The following FAT1 variants were observed in gnomAD, a reference collection of about 807,000 sequenced individuals.
FAT1 encodes FAT atypical cadherin 1, also known as protocadherin Fat 1.
A neutral mutation model predicts 329.8 loss-of-function variants in FAT1; 171 were observed. The ratio of observed to expected loss-of-function variants is 0.52; its 90% CI spans 0.46 to 0.59. FAT1 has a LOEUF of 0.59. FAT1 is among the 20% of genes least tolerant of loss of function. The probability of loss-of-function intolerance (pLI) is 0.00; values close to 1 mark genes in which losing one functional copy is unlikely to be tolerated. For synonymous variants in FAT1, 2,233 were observed against 2,228.6 expected (o/e 1.00, Z -0.06); for missense variants, 5,672 against 5,774.4 (o/e 0.98, Z 0.57).
At position 186,588,782 on chromosome 4, in the gene FAT1, T is replaced by G. The variant is rs768453815; in HGVS notation, c.13577A>C (p.His4526Pro). 1 of 1,613,938 alleles carries G rather than the reference T, an allele frequency of 6.2e-7. No homozygotes were observed. The highest frequency in any genetic ancestry group is 8.5e-7 in the Non-Finnish European group (1 of 1,179,884). The change falls in exon 27 of 27, where the codon CAC becomes CCC. Residue 4526 changes from histidine to proline, a missense_variant. By Grantham distance (77) the His-to-Pro change is moderately conservative (BLOSUM62 -2). Transcript: ENST00000441802. ...GCTCTCGACAGCGGGCGCCTCGAAGTGTCTTTGATACCCTGGCGGGTAAGG... is the reference window on the plus strand; with the variant it reads ...GCTCTCGACAGCGGGCGCCTCGAAGGGTCTTTGATACCCTGGCGGGTAAGG... ...HAPYPPGYQR[H>P]FEAPAVESMP...
chr4:186,712,680 G>A (rs1200431128), intron 1 of FAT1, among the ~76,000 whole-genome samples: 1 of 152,242 alleles, frequency 6.6e-6, no homozygotes, highest in East Asian at 1.9e-4. Flanking sequence ...CAAAGGGTCA[G>A]GGCTTACACT....
At position 186,600,316 on chromosome 4, in the gene FAT1, G is replaced by A; in HGVS notation, c.11685C>T (p.Gly3895=). 6.2e-7 allele frequency: 1 copy of A among 1,613,552 alleles called. No homozygotes were observed. The highest frequency in any genetic ancestry group is 1.6e-4 in the Middle Eastern group (1 of 6,062). The change falls in exon 22 of 27, where the codon GGC becomes GGT. Residue 3895 remains glycine (G), a synonymous_variant. Transcript: ENST00000441802. ...RLQYKFDCGS[G]PGIVSVQSIQ... Reference sequence around the variant, plus strand: ...TGCTCTGAACAGAGACAATTCCAGGGCCACTTCCACAGTCAAACTTGTACT... The same window carrying A: ...TGCTCTGAACAGAGACAATTCCAGGACCACTTCCACAGTCAAACTTGTACT...
chr4:186,676,157 A>AT (rs1742948540), intron 2 of FAT1, among the ~76,000 whole-genome samples: 1 of 152,194 alleles, frequency 6.6e-6, no homozygotes, highest in Admixed American at 6.5e-5. Flanking sequence ...CATTTATTGT[A>AT]TAAGTATCTT....
At chr4:186,597,277 T>C in intron 24 of FAT1, 106 bp from the exon 25 acceptor site, 2 of 1,245,562 alleles carry the variant, frequency 1.6e-6, no homozygotes. Context: ...ATGAGCTATG[T>C]GAAGATCAAA....
chr4:186,717,530 T>A (rs1234741522), intron 1 of FAT1, among the ~76,000 whole-genome samples: 1 of 152,242 alleles, frequency 6.6e-6, no homozygotes. Flanking sequence ...ACAATGACAG[T>A]GTGGAACTAC....
chr4:186,722,050 T>A (rs540160932), intron 1 of FAT1, among the ~76,000 whole-genome samples: 1 of 152,244 alleles, frequency 6.6e-6, no homozygotes, highest in East Asian at 1.9e-4. Flanking sequence ...GTTGGTCAGG[T>A]TGGTCTCGGA....
chr4:186,638,552 C>T lies in FAT1; in HGVS notation c.3642+1170G>A, dbSNP rs2584343. On this transcript the variant is annotated intron_variant, in intron 4 of 26. Coordinates refer to ENST00000441802, the MANE Select transcript of FAT1 (RefSeq NM_005245.4). Reference sequence around the variant, plus strand: ...TCAGATGTAATACATGAAGCAGCTCCTAATGGGGAAAGCACTGTGGCTGTG... The same window carrying T: ...TCAGATGTAATACATGAAGCAGCTCTTAATGGGGAAAGCACTGTGGCTGTG... Among the ~76,000 whole-genome samples the T allele has an allele frequency of 1.8e-3, 277 of 152,080 alleles. 2 individuals carry two copies. The highest frequency in any genetic ancestry group is 5.9e-3 in the African/African-American group (244 of 41,474).
Position 186,603,812 on chromosome 4 carries a change from G to C in FAT1, c.10714C>G (p.Gln3572Glu), listed in dbSNP as rs2126433712. ...GVIGKIHATD[Q>E]DVYDTLTYSL... ...TAGGTTAGAGTATCATACACGTCCT[G>C]GTCTGTGGCATGGATCTTCCCAATG... is the stretch of plus-strand genomic sequence containing the variant. The change falls in exon 19 of 27, where the codon CAG (glutamine) becomes GAG (glutamate). Residue 3572 changes from glutamine (Q) to glutamate (E), a missense_variant. By Grantham distance (29) the Gln-to-Glu change is conservative (BLOSUM62 2). Coordinates refer to ENST00000441802, the MANE Select transcript of FAT1 (RefSeq NM_005245.4). 1 of 1,613,854 alleles carries C rather than the reference G, an allele frequency of 6.2e-7. No individual in the cohort carries two copies. The highest frequency in any genetic ancestry group is 1.1e-5 in the South Asian group (1 of 91,080).
At chr4:186,638,630 C>T (rs189805843) in intron 4 of FAT1, among the ~76,000 whole-genome samples, 5 of 144,600 alleles carry the variant, frequency 3.5e-5, no homozygotes, top group Admixed American at 2.7e-4. Context: ...CACACACACA[C>T]ACACACACAC....
upstream of FAT1, among the ~76,000 whole-genome samples, chr4:186,725,731 G>T (rs537405296): frequency 6.6e-6 from 1 of 152,290 alleles, no homozygotes; most frequent in South Asian, 2.1e-4. This position sits in a 1 kb window ranked among gnomAD's most constrained non-coding sequence, Gnocchi z 5.4. Context: ...TTCCACATTT[G>T]TCCTTTAAAT....
chr4:186,659,579 C>T lies in FAT1; in HGVS notation c.3580+3720G>A, dbSNP rs532730988. On this transcript the variant is annotated intron_variant, in intron 3 of 26. Transcript: ENST00000441802. ...GCTGTGGCACCTGTCCCCTGAACGACGCTGGGCGCTCCTGCACTCTACACA... is the reference window on the plus strand; with the variant it reads ...GCTGTGGCACCTGTCCCCTGAACGATGCTGGGCGCTCCTGCACTCTACACA... Among the ~76,000 whole-genome samples, 30 of 151,760 alleles carry T rather than the reference C, an allele frequency of 2.0e-4. No homozygotes were observed. In the South Asian group the frequency reaches 2.9e-3, roughly 15 times the overall value.
intron 2 of FAT1, among the ~76,000 whole-genome samples, chr4:186,689,048 A>G (rs577913897): frequency 2.0e-5 from 3 of 152,374 alleles, no homozygotes; most frequent in African/African-American, 7.2e-5. Context: ...TTCAAAAAGA[A>G]GTGTGAAAAG....
chr4:186,635,902 T>G, intron 6 of FAT1, 123 bp downstream of exon 6: 6 of 802,712 alleles, frequency 7.5e-6, no homozygotes, highest in East Asian at 2.7e-5. Context: ...GAAAGCAAAT[T>G]CTCCACCTGT....
At chr4:186,713,485 G>T (rs978804955) in intron 1 of FAT1, among the ~76,000 whole-genome samples, 1 of 152,122 alleles carries the variant, frequency 6.6e-6, no homozygotes, top group African/African-American at 2.4e-5. Context: ...GACTGAGGTA[G>T]TATCTGCCAG....
rs1738752547 is a variant in FAT1, at chr4:186,600,353, T to A, written c.11648A>T (p.His3883Leu). The change falls in exon 22 of 27, where the codon CAT (histidine) becomes CTT (leucine). Residue 3883 changes from histidine to leucine, a missense_variant. His to Leu is a moderately conservative substitution (Grantham distance 99, BLOSUM62 -3). Around this residue, in one of 2 missense-constraint regions of FAT1, gnomAD observed 1,706 missense variants for 1,859.1 expected, o/e 0.92. Transcript: ENST00000441802. ...GTCAAACTTGTACTGCAGCCTTCCA[T>A]GATGAATCTAGGATAAAAGCAATGA... Reference protein sequence around the residue: ...GTDYSILEIHHGRLQYKFDCG... With the variant: ...GTDYSILEIHLGRLQYKFDCG... The A allele has an allele frequency of 6.2e-7, 1 of 1,610,118 alleles. No homozygotes were observed. The highest frequency in any genetic ancestry group is 8.5e-7 in the Non-Finnish European group (1 of 1,177,832).
At chr4:186,681,956 A>G (rs1264725622) in intron 2 of FAT1, among the ~76,000 whole-genome samples, 1 of 152,226 alleles carries the variant, frequency 6.6e-6, no homozygotes, top group African/African-American at 2.4e-5. Context: ...AGAACTGGTT[A>G]CGGATCTATA....
rs1739547775 is a variant in FAT1 at position 186,613,285 on chromosome 4, A to C, written c.9287T>G (p.Leu3096Arg). 2 of 1,613,938 alleles carry C rather than the reference A, an allele frequency of 1.2e-6. No individual in the cohort carries two copies. The highest frequency in any genetic ancestry group is 1.7e-6 in the Non-Finnish European group (2 of 1,179,904). Residue 3096 changes from leucine (L) to arginine (R), a missense_variant, in exon 13 of 27, where the codon CTC becomes CGC. This residue lies in a region of FAT1 where 3,966 missense variants were observed against 3,915.2 expected (regional missense o/e 1.01). Coordinates refer to ENST00000441802, the MANE Select transcript of FAT1 (RefSeq NM_005245.4). ...DREEQAVYHL[L>R]VRATDGGGRF... ...TCCTCCTCCATCTGTGGCCCTGACG[A>C]GAAGATGATAAACAGCTTGCTCCTC...
In FAT1 at chr4:186,628,253, C is replaced by T. The variant is rs767491809; in HGVS notation, c.4711G>A (p.Val1571Ile). ...GAGCCAACGGCTGCCGATTCATAAA[C>T]CCGCCCTTTGTAGGAGGAAGCGGTG... is the stretch of plus-strand genomic sequence containing the variant. ...WFTASSYKGRVYESAAVGSVV... is the reference protein window; with the variant it reads ...WFTASSYKGRIYESAAVGSVV... Residue 1571 changes from valine to isoleucine, a missense_variant, in exon 9 of 27, where the codon GTT (valine) becomes ATT (isoleucine). This residue lies in a region of FAT1 where 3,966 missense variants were observed against 3,915.2 expected (regional missense o/e 1.01). Transcript: ENST00000441802. 2.5e-6 allele frequency: 4 copies of T among 1,613,942 alleles called. No individual in the cohort carries two copies. The highest frequency in any genetic ancestry group is 1.1e-5 in the South Asian group (1 of 91,048).
intron 2 of FAT1, among the ~76,000 whole-genome samples, chr4:186,671,487 C>T (rs1398160967): frequency 6.6e-6 from 1 of 152,048 alleles, no homozygotes; most frequent in East Asian, 1.9e-4. Flanking sequence ...CACCTGAGGT[C>T]AGGAGTTAAA....
Sources: gnomAD v4.1 joint callset for allele counts (sites outside exome capture counted in the v4.1 genomes callset) on GRCh38, gnomAD v4.1.1 for gene constraint, gnomAD v4.1.1 regional missense constraint, Gnocchi (gnomAD v3.1) non-coding constraint, MANE v1.5 for transcripts, NCBI Gene and HGNC (gene_info 2026-07-23, HGNC 2026-07-21) for gene names.